The following P4HA1 variants were observed in gnomAD, a reference collection of about 807,000 sequenced individuals.
The protein encoded by P4HA1 is prolyl 4-hydroxylase subunit alpha-1.
Under a neutral mutation model 72.8 loss-of-function variants are expected in P4HA1, and 24 were observed. That is an observed-to-expected ratio of 0.33 (90% CI 0.24 to 0.46). P4HA1 has a LOEUF of 0.46. Among genes scored for constraint, P4HA1 ranks in the 20% least tolerant of loss-of-function variants. P4HA1 has a pLI of 1.00. For missense variants in P4HA1, 446 were observed against 640.6 expected (o/e 0.70, Z 3.28); for synonymous variants, 201 against 218.8 (o/e 0.92, Z 0.72).
At chr10:73,078,243 G>A (rs1227925549) in intron 1 of P4HA1, among the ~76,000 whole-genome samples, 2 of 152,018 alleles carry the variant, frequency 1.3e-5, no homozygotes, top group Admixed American at 1.3e-4. Context: ...AACAAAAAAT[G>A]CTCAAACTTA....
intron 5 of P4HA1, among the ~76,000 whole-genome samples, chr10:73,063,698 A>AT (rs1172884676): frequency 6.6e-6 from 1 of 152,000 alleles, no homozygotes; most frequent in Admixed American, 6.6e-5. Flanking sequence ...AGCACCAATA[A>AT]TTTTTTTTAC....
intron 1 of P4HA1, among the ~76,000 whole-genome samples, chr10:73,085,519 G>A (rs954021236): frequency 1.3e-5 from 2 of 152,042 alleles, no homozygotes; most frequent in Non-Finnish European, 2.9e-5. Flanking sequence ...GAGTAGCTGG[G>A]ATTACAGCCA....
chr10:73,055,806 A>G (rs1474394277), intron 5 of P4HA1, among the ~76,000 whole-genome samples: 1 of 152,222 alleles, frequency 6.6e-6, no homozygotes, highest in African/African-American at 2.4e-5. Context: ...AATGGCCTAG[A>G]TTTATTGAGG....
intron 5 of P4HA1, among the ~76,000 whole-genome samples, chr10:73,057,393 G>A (rs1006359568): frequency 2.0e-5 from 3 of 152,102 alleles, no homozygotes; most frequent in Admixed American, 2.0e-4. Context: ...GGGAAGCTGA[G>A]GCAGGAGAAT....
At chr10:73,094,035 A>T (rs1589637380) in intron 1 of P4HA1, among the ~76,000 whole-genome samples, 1 of 151,060 alleles carries the variant, frequency 6.6e-6, no homozygotes, top group African/African-American at 2.4e-5. Context: ...AAAGCAATAA[A>T]GTTTAATGCC....
At chr10:73,036,414 T>C (rs1234593391) in intron 9 of P4HA1, among the ~76,000 whole-genome samples, 1 of 152,076 alleles carries the variant, frequency 6.6e-6, no homozygotes, top group East Asian at 1.9e-4. Context: ...CCTTTTTTTT[T>C]GAGATGGAGT....
At chr10:73,066,311 A>G (rs1841421412) in intron 5 of P4HA1, among the ~76,000 whole-genome samples, 1 of 152,188 alleles carries the variant, frequency 6.6e-6, no homozygotes, top group Non-Finnish European at 1.5e-5. Context: ...ATAAAAGAGG[A>G]AAAAAGTCAA....
At chr10:73,073,239 T>G (rs1005158112) in intron 3 of P4HA1, among the ~76,000 whole-genome samples, 4 of 132,690 alleles carry the variant, frequency 3.0e-5, no homozygotes, top group African/African-American at 6.3e-5. Flanking sequence ...TTTTTTTTTT[T>G]GAGATAGAGT....
At chr10:73,088,371 G>T (rs750881295) in intron 1 of P4HA1, among the ~76,000 whole-genome samples, 4 of 152,096 alleles carry the variant, frequency 2.6e-5, no homozygotes, top group Non-Finnish European at 5.9e-5. Context: ...CCTTGGTATT[G>T]GTGTAAAGTT....
At position 73,028,307 on chromosome 10, in the gene P4HA1, AACACACACACACACACAC is replaced by A. The variant is rs10561551; in HGVS notation, c.1248+1946_1248+1963del. ...ATGGCATCAAACCGTGTCACTGTAA[AACACACACACACACACAC>A]ACACACACACACACACACACAAAAT... On this transcript the variant is annotated intron_variant, in intron 10 of 14. Transcript: ENST00000394890. Among the ~76,000 whole-genome samples the A allele has an allele frequency of 1.6e-3, 230 of 143,760 alleles. 2 individuals carry two copies. The highest frequency in any genetic ancestry group is 0.013 in the East Asian group (65 of 4,906). The allele number at this position is 143,760 out of a possible 152,430, so 94.3% of individuals were successfully genotyped here.
At chr10:73,075,699 T>C (rs1431953192) in intron 1 of P4HA1, among the ~76,000 whole-genome samples, 1 of 151,824 alleles carries the variant, frequency 6.6e-6, no homozygotes, top group African/African-American at 2.4e-5. Flanking sequence ...TTAAAATTCC[T>C]AATTTGTTCC....
intron 1 of P4HA1, among the ~76,000 whole-genome samples, chr10:73,087,871 C>A (rs930357536): frequency 6.6e-6 from 1 of 152,058 alleles, no homozygotes; most frequent in African/African-American, 2.4e-5. Flanking sequence ...TCTTTTTATT[C>A]TCTCAACAGT....
At chr10:73,075,200 C>T (rs914184640) in intron 1 of P4HA1, among the ~76,000 whole-genome samples, 4 of 152,100 alleles carry the variant, frequency 2.6e-5, no homozygotes, top group Admixed American at 1.3e-4. Flanking sequence ...CTCCACCTCC[C>T]GGGTTCAAGC....
At chr10:73,074,776 A>G (rs745866119) in intron 2 of P4HA1, 32 bp downstream of exon 2, 1 of 1,185,104 alleles carries the variant, frequency 8.4e-7, no homozygotes, top group Non-Finnish European at 1.3e-6. Context: ...AAAATGCAAA[A>G]CCAACAAAAA....
At chr10:73,030,201 G>T in intron 10 of P4HA1, 70 bp downstream of exon 10, 1 of 677,840 alleles carries the variant, frequency 1.5e-6, no homozygotes, top group Non-Finnish European at 2.4e-6. Context: ...TGCCTGTTCA[G>T]TGTCAGGAAA....
chr10:73,055,411 C>T (rs371480970), intron 5 of P4HA1, among the ~76,000 whole-genome samples: 6 of 152,280 alleles, frequency 3.9e-5, no homozygotes, highest in African/African-American at 1.2e-4. Context: ...ACCATGTTGG[C>T]CAGGCTGGTC....
chr10:73,011,385 G>T (rs1839906969), intron 12 of P4HA1, among the ~76,000 whole-genome samples: 1 of 152,078 alleles, frequency 6.6e-6, no homozygotes, highest in South Asian at 2.1e-4. Context: ...TATTGTATTA[G>T]AATGTAATCT....
rs112588235 is a variant in P4HA1, at chr10:73,050,398, A to AT, written c.900+654dup. Among the ~76,000 whole-genome samples, 164 of 150,314 alleles carry AT rather than the reference A, an allele frequency of 1.1e-3. No individual in the cohort carries two copies. The South Asian group carries it at 0.015, about 14-fold the overall frequency. The stretch of plus-strand genomic sequence containing the variant: ...CACAGAGAGAGAATGGTATACTGTA[A>AT]TTTTTTTTTTAAAGTTTTTTAGGCT... On this transcript the variant is annotated intron_variant, in intron 7 of 14. Transcript: ENST00000394890.
chr10:73,012,202 C>T (rs571844107), intron 12 of P4HA1, among the ~76,000 whole-genome samples: 14 of 152,004 alleles, frequency 9.2e-5, no homozygotes, highest in South Asian at 2.1e-4. Flanking sequence ...ATAAGCAGAA[C>T]CAGGAACACA....
Sources: allele counts gnomAD v4.1 joint callset (sites outside exome capture counted in the v4.1 genomes callset), GRCh38; gene constraint gnomAD v4.1.1; transcripts MANE v1.5; gene names NCBI Gene and HGNC (gene_info 2026-07-23, HGNC 2026-07-21).